Variants in PAPPA2 observed in about 807,000 individuals in gnomAD.
The protein encoded by PAPPA2 is pappalysin 2.
A neutral mutation model predicts 176.4 loss-of-function variants in PAPPA2; 86 were observed. That is an observed-to-expected ratio of 0.49 (90% CI 0.41 to 0.58). PAPPA2 has a LOEUF of 0.58. Ranked by LOEUF, PAPPA2 falls within the 20% of genes least tolerant of loss-of-function variation. The pLI, the probability that PAPPA2 is intolerant of heterozygous loss-of-function variation, is 0.00. For missense variants in PAPPA2, 2,073 were observed against 2,256.9 expected (o/e 0.92, Z 1.65); for synonymous variants, 809 against 852.2 (o/e 0.95, Z 0.88).
At chr1:176,581,387 G>A (rs1227856786) in intron 2 of PAPPA2, among the ~76,000 whole-genome samples, 2 of 152,122 alleles carry the variant, frequency 1.3e-5, no homozygotes, top group Non-Finnish European at 2.9e-5. Context: ...TTTAAAGTCT[G>A]GTGGTGTGAT....
At chr1:176,583,624 C>T (rs573554647) in intron 2 of PAPPA2, among the ~76,000 whole-genome samples, 25 of 152,040 alleles carry the variant, frequency 1.6e-4, no homozygotes, top group Admixed American at 6.5e-4. Context: ...TATTTTTTAG[C>T]GACATGGTCT....
chr1:176,767,403 G>A (rs964022205), intron 15 of PAPPA2, among the ~76,000 whole-genome samples: 5 of 152,018 alleles, frequency 3.3e-5, no homozygotes, highest in East Asian at 3.9e-4. Flanking sequence ...GCAATGGCAC[G>A]ATCTCAGCTC....
chr1:176,829,687 A>G (rs1217821592), intron 21 of PAPPA2, among the ~76,000 whole-genome samples: 1 of 152,154 alleles, frequency 6.6e-6, no homozygotes, highest in Non-Finnish European at 1.5e-5. Context: ...TCTGTCTCTG[A>G]CTTGTACCTG....
intron 4 of PAPPA2, among the ~76,000 whole-genome samples, chr1:176,676,378 C>G (rs1395718200): frequency 6.6e-6 from 1 of 151,596 alleles, no homozygotes; most frequent in African/African-American, 2.4e-5. Context: ...CTGTGTACAT[C>G]GACACAATGA....
chr1:176,686,948 T>C (rs1476020951), intron 4 of PAPPA2, among the ~76,000 whole-genome samples: 2 of 152,202 alleles, frequency 1.3e-5, no homozygotes, highest in African/African-American at 4.8e-5. Context: ...TTTTATAATT[T>C]TGTGTTCTAG....
At chr1:176,541,744 A>C (rs760305837) in intron 1 of PAPPA2, among the ~76,000 whole-genome samples, 2 of 152,238 alleles carry the variant, frequency 1.3e-5, no homozygotes, top group Non-Finnish European at 2.9e-5. Context: ...GAAGGCAGCT[A>C]CCATGTTATT....
At chr1:176,542,830 A>G (rs1650434161) in intron 1 of PAPPA2, among the ~76,000 whole-genome samples, 1 of 152,194 alleles carries the variant, frequency 6.6e-6, no homozygotes, top group Non-Finnish European at 1.5e-5. Context: ...CTAGGGGCAT[A>G]TCTGTTTTGA....
chr1:176,524,078 A>G (rs1431227536), intron 1 of PAPPA2, among the ~76,000 whole-genome samples: 1 of 152,204 alleles, frequency 6.6e-6, no homozygotes, highest in Admixed American at 6.5e-5. Context: ...AAGAATTTTC[A>G]AGCTGCTCTA....
At chr1:176,654,698 T>C (rs1657930038) in intron 3 of PAPPA2, among the ~76,000 whole-genome samples, 1 of 151,694 alleles carries the variant, frequency 6.6e-6, no homozygotes, top group Non-Finnish European at 1.5e-5. Context: ...ACTTCTTCCA[T>C]TCCATGAGCA....
chr1:176,784,193 T>C (rs575861528), intron 17 of PAPPA2, among the ~76,000 whole-genome samples: 27 of 152,312 alleles, frequency 1.8e-4, no homozygotes, highest in Admixed American at 1.4e-3. Flanking sequence ...TGTTTTGGAA[T>C]CTCTATCCTG....
chr1:176,583,732 C>A (rs1355985022), intron 2 of PAPPA2, among the ~76,000 whole-genome samples: 3 of 152,148 alleles, frequency 2.0e-5, no homozygotes, highest in Non-Finnish European at 4.4e-5. Flanking sequence ...CAGGCATGAG[C>A]CACTGTGTCT....
intron 2 of PAPPA2, among the ~76,000 whole-genome samples, chr1:176,577,997 C>T (rs1652750863): frequency 6.6e-6 from 1 of 152,122 alleles, no homozygotes. Flanking sequence ...AAGCAGGACT[C>T]TCACTCCTAA....
intron 3 of PAPPA2, among the ~76,000 whole-genome samples, chr1:176,608,435 A>T (rs1050513336): frequency 2.0e-5 from 3 of 152,250 alleles, no homozygotes; most frequent in South Asian, 2.1e-4. Context: ...ATTGGCATGA[A>T]TTTTTTTATA....
At chr1:176,722,799 C>T (rs1054711326) in intron 12 of PAPPA2, among the ~76,000 whole-genome samples, 1 of 151,950 alleles carries the variant, frequency 6.6e-6, no homozygotes, top group Admixed American at 6.6e-5. Context: ...TATGATTGTT[C>T]TTGCCAGGAC....
rs574047808 is a variant in PAPPA2, at chr1:176,687,680, G to C, written c.2138-2457G>C. Among the ~76,000 whole-genome samples the C allele has an allele frequency of 5.3e-5, 8 of 152,260 alleles. No individual in the cohort carries two copies. In the South Asian group the frequency reaches 1.7e-3, roughly 32 times the overall value. On this transcript the variant is annotated intron_variant, in intron 4 of 22. Transcript: ENST00000367662. Reference sequence around the variant, plus strand: ...ACCTGGGCCTGTCTGGCCATAGGATGTGGGGATATTTGATGTTTGCTCAGA... The same window carrying C: ...ACCTGGGCCTGTCTGGCCATAGGATCTGGGGATATTTGATGTTTGCTCAGA...
intron 1 of PAPPA2, among the ~76,000 whole-genome samples, chr1:176,554,698 A>G (rs963380370): frequency 6.6e-6 from 1 of 152,156 alleles, no homozygotes; most frequent in Non-Finnish European, 1.5e-5. Context: ...TAGTAACTTC[A>G]GATTGAGAAA....
intron 4 of PAPPA2, among the ~76,000 whole-genome samples, chr1:176,684,367 G>A (rs144156707): frequency 2.0e-5 from 3 of 152,270 alleles, no homozygotes; most frequent in East Asian, 1.9e-4. Context: ...CAGGATGGGC[G>A]TTGGGGAAGT....
At chr1:176,693,051 A>G (rs1186133093) in intron 6 of PAPPA2, among the ~76,000 whole-genome samples, 1 of 152,214 alleles carries the variant, frequency 6.6e-6, no homozygotes, top group Non-Finnish European at 1.5e-5. Flanking sequence ...AAATTTTTGT[A>G]GAAAGGAGAG....
chr1:176,681,925 C>G (rs905375653), intron 4 of PAPPA2, among the ~76,000 whole-genome samples: 2 of 152,070 alleles, frequency 1.3e-5, no homozygotes, highest in Admixed American at 1.3e-4. Flanking sequence ...CAGAGTAGCT[C>G]TCACAGGGTT....
Sources: allele counts gnomAD v4.1 joint callset (sites outside exome capture counted in the v4.1 genomes callset), GRCh38; gene constraint gnomAD v4.1.1; transcripts MANE v1.5; gene names NCBI Gene and HGNC (gene_info 2026-07-23, HGNC 2026-07-21).